The following REPIN1 variants were observed in gnomAD, a reference collection of about 807,000 sequenced individuals.
The protein encoded by REPIN1 is replication initiator 1, also known as DNA-binding protein REPIN1.
Under a neutral mutation model 5.7 loss-of-function variants are expected in REPIN1, and 4 were observed. The observed-to-expected ratio is 0.71, with a 90% CI of 0.35 to 1.62. REPIN1 has a LOEUF of 1.62. Among genes scored for constraint, REPIN1 ranks in the 40% most tolerant of loss-of-function variants. The probability of loss-of-function intolerance (pLI) is 0.05; values close to 1 mark genes in which losing one functional copy is unlikely to be tolerated. For synonymous variants in REPIN1, 410 were observed against 386.2 expected (o/e 1.06, Z -0.72); for missense variants, 854 against 901.0 (o/e 0.95, Z 0.67).
chr7:150,368,795 CG>C (rs1799108300), upstream of REPIN1: 4 of 293,030 alleles, frequency 1.4e-5, no homozygotes, highest in Non-Finnish European at 2.5e-5. Flanking sequence ...GGGAACCCGG[CG>C]GGGGGAGGTT....
At chr7:150,370,792 A>G (rs935905378) in intron 2 of REPIN1, 3 of 702,428 alleles carry the variant, frequency 4.3e-6, no homozygotes, top group African/African-American at 1.7e-5. Context: ...AGCTTCTCAG[A>G]GTTGCTGTGC....
rs780079353 is a variant in REPIN1 at position 150,369,698 on chromosome 7, G to T, written c.-14G>T. 1 of 1,613,872 alleles carries T rather than the reference G, an allele frequency of 6.2e-7. No individual in the cohort carries two copies. Among genetic ancestry groups the T allele is most frequent in the South Asian group, 1.1e-5 (1 of 91,086 alleles). On this transcript the variant is annotated 5_prime_UTR_variant, in exon 2 of 3. Coordinates refer to ENST00000489432, the MANE Select transcript of REPIN1 (RefSeq NM_001099695.2). The stretch of plus-strand genomic sequence containing the variant: ...AAGGCTGGCCTCTCTGCAGTCAGAG[G>T]TCTGAGCTCTGCCATGGGGATAGGG...
chr7:150,373,198 C>T lies in REPIN1; in HGVS notation c.*253C>T, dbSNP rs1040729694. The T allele has an allele frequency of 3.5e-6, 2 of 576,546 alleles. No homozygotes were observed. Among genetic ancestry groups the T allele is most frequent in the Non-Finnish European group, 6.2e-6 (2 of 320,234 alleles). The allele number at this position is 576,546 out of a possible 1,614,324, so 35.7% of individuals were successfully genotyped here. A position where few individuals can be genotyped will look rare whatever the true frequency, so the allele number is the denominator to read the frequency against. ...TGTGCTAAGGCTCCGTCCTGACTGC[C>T]CTGTGCCCTGGAAAAGCAGCAATAG... On this transcript the variant is annotated 3_prime_UTR_variant, in exon 3 of 3. Transcript: ENST00000489432.
At position 150,372,395 on chromosome 7, in the gene REPIN1, G is replaced by GGCTGGAGCGCTTCCT; in HGVS notation, c.1328_1342dup (p.Leu443_Leu447dup). ...TGCGACGACTGCGGCAGGAGCTTCC[G>GGCTGGAGCGCTTCCT]GCTGGAGCGCTTCCTGCGGGCCCAC... is the stretch of plus-strand genomic sequence containing the variant. On this transcript the variant is annotated inframe_insertion, in exon 3 of 3. Coordinates refer to ENST00000489432, the MANE Select transcript of REPIN1 (RefSeq NM_001099695.2). 4.7e-6 allele frequency: 7 copies of GGCTGGAGCGCTTCCT among 1,486,712 alleles called. No homozygotes were observed. Among genetic ancestry groups the GGCTGGAGCGCTTCCT allele is most frequent in the Non-Finnish European group, 6.2e-6 (7 of 1,125,210 alleles). 92.1% of individuals were successfully genotyped at this position (1,486,712 alleles called of 1,614,324 possible).
Position 150,371,426 on chromosome 7 carries a change from G to C in REPIN1, c.356G>C (p.Cys119Ser). Residue 119 changes from cysteine to serine, a missense_variant, in exon 3 of 3, where the codon TGT becomes TCT. Transcript: ENST00000489432. The part of the protein sequence containing the change: ...APGRAHRCAH[C>S]RRHFPGWVAL... ...GGCAGGGCCCATCGCTGTGCCCACTGTCGAAGGCACTTCCCTGGCTGGGTG... is the reference window on the plus strand; with the variant it reads ...GGCAGGGCCCATCGCTGTGCCCACTCTCGAAGGCACTTCCCTGGCTGGGTG... The C allele has an allele frequency of 6.2e-7, 1 of 1,602,952 alleles. No homozygotes were observed.
At position 150,371,901 on chromosome 7, in the gene REPIN1, C is replaced by A; in HGVS notation, c.831C>A (p.Pro277=). ...KALGPRPRGR[P]AVTAPRPGGD... is the part of the protein sequence containing the mutation. The stretch of plus-strand genomic sequence containing the variant: ...TGGGGCCCCGGCCCAGGGGCCGCCC[C>A]GCGGTGACCGCCCCCCGGCCCGGTG... The change falls in exon 3 of 3, where the codon CCC becomes CCA. Residue 277 remains proline (P), a synonymous_variant. Transcript: ENST00000489432. The A allele has an allele frequency of 6.2e-7, 1 of 1,607,278 alleles. No homozygotes were observed. Among genetic ancestry groups the A allele is most frequent in the South Asian group, 1.1e-5 (1 of 90,708 alleles).
intron 1 of REPIN1, 111 bp from the exon 2 acceptor site, chr7:150,369,560 G>C (rs184901952): frequency 4.5e-6 from 4 of 891,712 alleles, no homozygotes; most frequent in Non-Finnish European, 7.1e-6. Flanking sequence ...GGGGCTTATG[G>C]CTGGTGCGTG....
chr7:150,369,902 C>T (rs1338605981), intron 2 of REPIN1, 34 bp downstream of exon 2: 2 of 1,554,824 alleles, frequency 1.3e-6, no homozygotes, highest in African/African-American at 1.4e-5. Context: ...TCCCAAACCA[C>T]GCCACAACAG....
intron 1 of REPIN1, among the ~76,000 whole-genome samples, chr7:150,369,221 C>T (rs1459874221): frequency 6.6e-6 from 1 of 152,240 alleles, no homozygotes; most frequent in Non-Finnish European, 1.5e-5. Flanking sequence ...CTTCTGCCAC[C>T]CGCGGCCAGC....
At position 150,371,737 on chromosome 7, in the gene REPIN1, C is replaced by T. The variant is rs201757356; in HGVS notation, c.667C>T (p.Arg223Trp). ...AAAGCAGCTTCGAGCTCATCTGCGG[C>T]GGTGCCACCCTCCCGCCCCGGAGGC... ...RRKQLRAHLR[R>W]CHPPAPEARP... Residue 223 changes from arginine to tryptophan, a missense_variant, in exon 3 of 3, where the codon CGG becomes TGG. Physicochemically the swap from Arg to Trp is moderately radical, Grantham distance 101. This residue lies in a region of REPIN1 where 409 missense variants were observed against 418.6 expected (regional missense o/e 0.98). Transcript: ENST00000489432. 393 of 1,609,586 alleles carry T rather than the reference C, an allele frequency of 2.4e-4. No homozygotes were observed. Among genetic ancestry groups the T allele is most frequent in the African/African-American group, 3.6e-4 (27 of 75,070 alleles).
At chr7:150,369,899 C>T in intron 2 of REPIN1, 31 bp downstream of exon 2, 1 of 1,557,782 alleles carries the variant, frequency 6.4e-7, no homozygotes. Context: ...TGCTCCCAAA[C>T]CACGCCACAA....
upstream of REPIN1, among the ~76,000 whole-genome samples, chr7:150,368,637 C>A (rs10262921): frequency 3.4e-4 from 51 of 152,020 alleles, no homozygotes; most frequent in African/African-American, 1.2e-3. Context: ...CGAGGCCTGC[C>A]GCCCTGGCGC....
In REPIN1 at chr7:150,371,695, A is replaced by G. The variant is rs777974958; in HGVS notation, c.625A>G (p.Arg209Gly). ...GCCCATCGCTTGTCCCAAATGCGAG[A>G]GACGCTTCTGGCGACGAAAGCAGCT... The part of the protein sequence containing the change: ...KRPIACPKCE[R>G]RFWRRKQLRA... Residue 209 changes from arginine (R) to glycine (G), a missense_variant, in exon 3 of 3, where the codon AGA (arginine) becomes GGA (glycine). Coordinates refer to ENST00000489432, the MANE Select transcript of REPIN1 (RefSeq NM_001099695.2). 1 of 1,606,580 alleles carries G rather than the reference A, an allele frequency of 6.2e-7. No homozygotes were observed. The highest frequency in any genetic ancestry group is 8.5e-7 in the Non-Finnish European group (1 of 1,179,834).
upstream of REPIN1, chr7:150,368,128 C>G (rs914579729): frequency 4.6e-5 from 7 of 152,252 alleles, no homozygotes; most frequent in Non-Finnish European, 1.0e-4. Flanking sequence ...CCTTTCCAAG[C>G]GAAATGCCCC....
At chr7:150,369,230 G>C (rs547604385) in intron 1 of REPIN1, 8 of 391,146 alleles carry the variant, frequency 2.0e-5, no homozygotes, top group African/African-American at 1.0e-4. Flanking sequence ...CCCGCGGCCA[G>C]CCGCGATGCG....
In REPIN1 at chr7:150,371,561, A is replaced by C; in HGVS notation, c.491A>C (p.His164Pro). The C allele has an allele frequency of 6.2e-7, 1 of 1,604,770 alleles. No homozygotes were observed. Among genetic ancestry groups the C allele is most frequent in the Non-Finnish European group, 8.5e-7 (1 of 1,179,328 alleles). The change falls in exon 3 of 3, where the codon CAT becomes CCT. Residue 164 changes from histidine to proline, a missense_variant. Transcript: ENST00000489432. Reference sequence around the variant, plus strand: ...TTCTTAGCACTGCACCGCCAGGTCCATGCTGCTGCCACCCCAGACCTGGGC... The same window carrying C: ...TTCTTAGCACTGCACCGCCAGGTCCCTGCTGCTGCCACCCCAGACCTGGGC... The part of the protein sequence containing the change: ...APFLALHRQV[H>P]AAATPDLGFA...
Position 150,371,672 on chromosome 7 carries a change from C to A in REPIN1, c.602C>A (p.Pro201His). Residue 201 changes from proline to histidine, a missense_variant, in exon 3 of 3, where the codon CCC (proline) becomes CAC (histidine). Pro to His is a moderately conservative substitution (Grantham distance 77). Around this residue, in one of 5 missense-constraint regions of REPIN1, gnomAD observed 409 missense variants for 418.6 expected, o/e 0.98. Transcript: ENST00000489432. ...CGGGCCCATTCAGCTGCAAAGCGGC[C>A]CATCGCTTGTCCCAAATGCGAGAGA... ...HLRAHSAAKR[P>H]IACPKCERRF... 1 of 1,605,402 alleles carries A rather than the reference C, an allele frequency of 6.2e-7. No homozygotes were observed. Among genetic ancestry groups the A allele is most frequent in the Non-Finnish European group, 8.5e-7 (1 of 1,179,632 alleles).
intron 2 of REPIN1, chr7:150,370,737 C>T (rs749002428): frequency 4.3e-6 from 3 of 702,428 alleles, no homozygotes; most frequent in Admixed American, 2.0e-5. Context: ...TGATGTCTCA[C>T]AGTTGCTTCA....
In REPIN1 at chr7:150,371,414, G is replaced by T. The variant is rs199739678; in HGVS notation, c.344G>T (p.Arg115Leu). The change falls in exon 3 of 3, where the codon CGC becomes CTC. Residue 115 changes from arginine (R) to leucine (L), a missense_variant. Physicochemically the swap from Arg to Leu is moderately radical, Grantham distance 102 (BLOSUM62 -2). Coordinates refer to ENST00000489432, the MANE Select transcript of REPIN1 (RefSeq NM_001099695.2). ...SGAQAPGRAH[R>L]CAHCRRHFPG... ...GCCCAAGCCCCAGGCAGGGCCCATC[G>T]CTGTGCCCACTGTCGAAGGCACTTC... 6.2e-7 allele frequency: 1 copy of T among 1,600,858 alleles called. No individual in the cohort carries two copies. The highest frequency in any genetic ancestry group is 1.7e-5 in the Admixed American group (1 of 58,664).
Sources: gnomAD v4.1 joint callset for allele counts (sites outside exome capture counted in the v4.1 genomes callset) on GRCh38, gnomAD v4.1.1 for gene constraint, gnomAD v4.1.1 regional missense constraint, MANE v1.5 for transcripts, NCBI Gene and HGNC (gene_info 2026-07-23, HGNC 2026-07-21) for gene names.